The following PHACTR4 variants were observed in gnomAD, a reference collection of about 807,000 sequenced individuals.
PHACTR4 encodes the protein phosphatase and actin regulator 4, also known as protein phosphatase 1, regulatory subunit 124.
A neutral mutation model predicts 72.7 loss-of-function variants in PHACTR4; 51 were observed. The ratio of observed to expected loss-of-function variants is 0.70; its 90% CI spans 0.56 to 0.89. The LOEUF (loss-of-function observed/expected upper bound fraction) is 0.89, where lower values mean the gene tolerates loss of function less well. Among genes scored for constraint, PHACTR4 ranks in the 40% least tolerant of loss-of-function variants. The probability of loss-of-function intolerance (pLI) is 0.00; values close to 1 mark genes in which losing one functional copy is unlikely to be tolerated. For missense variants in PHACTR4, 731 were observed against 861.8 expected, an observed-to-expected ratio of 0.85 and a Z score of 1.90; for synonymous variants, 255 against 302.5, an observed-to-expected ratio of 0.84 and a Z score of 1.63.
At chr1:28,457,920 T>A (rs1484647898) in intron 2 of PHACTR4, 1 of 897,350 alleles carries the variant, frequency 1.1e-6, no homozygotes, top group African/African-American at 1.8e-5. Context: ...TCCTGCTGGT[T>A]TTTTTTTTTT....
At chr1:28,424,822 C>T (rs1023999597) in intron 2 of PHACTR4, among the ~76,000 whole-genome samples, 1 of 150,194 alleles carries the variant, frequency 6.7e-6, no homozygotes, top group East Asian at 2.0e-4. Flanking sequence ...GAGATGGAGT[C>T]GTGTTCTGTC....
intron 9 of PHACTR4, among the ~76,000 whole-genome samples, chr1:28,486,812 T>C (rs1274269573): frequency 1.3e-5 from 2 of 151,128 alleles, no homozygotes; most frequent in African/African-American, 4.9e-5. Flanking sequence ...TGAGCCAAGG[T>C]GGCGCCAGTG....
At chr1:28,446,400 T>C (rs1657469429) in intron 2 of PHACTR4, among the ~76,000 whole-genome samples, 1 of 152,134 alleles carries the variant, frequency 6.6e-6, no homozygotes, top group African/African-American at 2.4e-5. Context: ...TGGGAGGTGA[T>C]TGGGGTGGAT....
intron 13 of PHACTR4, among the ~76,000 whole-genome samples, chr1:28,495,601 T>TTTTA (rs1253719797): frequency 1.1e-4 from 16 of 145,534 alleles, no homozygotes; most frequent in African/African-American, 3.6e-4. Flanking sequence ...GGGATTTTAT[T>TTTTA]TTTATTTATT....
intron 2 of PHACTR4, among the ~76,000 whole-genome samples, chr1:28,442,748 C>T (rs1657133236): frequency 6.6e-6 from 1 of 152,056 alleles, no homozygotes; most frequent in African/African-American, 2.4e-5. Context: ...TCAAGTGATC[C>T]GCCTGCCTTG....
chr1:28,423,879 A>C (rs1655668368), intron 2 of PHACTR4, among the ~76,000 whole-genome samples: 1 of 152,220 alleles, frequency 6.6e-6, no homozygotes, highest in Non-Finnish European at 1.5e-5. Context: ...GAATTGGGAG[A>C]AGGAATACTT....
rs150781545 is a variant in PHACTR4 at position 28,497,955 on chromosome 1, C to T, written c.*1406C>T. 9,482 of 149,904 alleles carry T rather than the reference C, an allele frequency of 0.063. 408 individuals are homozygous for T. The highest frequency in any genetic ancestry group is 0.15 in the Middle Eastern group (44 of 290). The allele number at this position is 149,904 out of a possible 1,614,324, so 9.3% of individuals were successfully genotyped here. On this transcript the variant is annotated 3_prime_UTR_variant, in exon 14 of 14. Transcript: ENST00000373839. ...AGATTGCAGTGAGCCGAGATCGCGC[C>T]ACTGCACTCCAGCCTGGGTGACAGA...
intron 2 of PHACTR4, among the ~76,000 whole-genome samples, chr1:28,450,979 T>TTTTTTTTTTTTTTTG: frequency 7.7e-6 from 1 of 130,046 alleles, no homozygotes; most frequent in African/African-American, 2.9e-5. Flanking sequence ...CCCAGCTTTT[T>TTTTTTTTTTTTTTTG]TTTTTTTTTT....
intron 10 of PHACTR4, chr1:28,489,818 G>T (rs1446830190): frequency 1.9e-6 from 1 of 518,964 alleles, no homozygotes; most frequent in Non-Finnish European, 3.8e-6. Flanking sequence ...CACTGAGAAG[G>T]TTTGGGCTTC....
At position 28,497,160 on chromosome 1, in the gene PHACTR4, GT is replaced by G. The variant is rs924120250; in HGVS notation, c.*613del. On this transcript the variant is annotated 3_prime_UTR_variant, in exon 14 of 14. Coordinates refer to ENST00000373839, the MANE Select transcript of PHACTR4 (RefSeq NM_001048183.3). ...TGAGAGGAAGCTCAGGATCTGACAT[GT>G]TCTTCCTTTTCCTCACAAGTCATCA... 1 of 152,196 alleles carries G rather than the reference GT, an allele frequency of 6.6e-6. No homozygotes were observed. The highest frequency in any genetic ancestry group is 6.5e-5 in the Admixed American group (1 of 15,272). The allele number at this position is 152,196 out of a possible 1,614,324, so 9.4% of individuals were successfully genotyped here.
chr1:28,444,203 A>T (rs1271226818), intron 2 of PHACTR4, among the ~76,000 whole-genome samples: 4 of 148,696 alleles, frequency 2.7e-5, no homozygotes, highest in East Asian at 1.9e-4. Flanking sequence ...CATTTAAAAA[A>T]ATATATTTGG....
At chr1:28,398,172 T>G (rs770411629) in intron 1 of PHACTR4, among the ~76,000 whole-genome samples, 23 of 152,184 alleles carry the variant, frequency 1.5e-4, no homozygotes, top group Non-Finnish European at 2.1e-4. Context: ...AATTCTCATA[T>G]ACCTATGTTA....
Position 28,465,774 on chromosome 1 carries a change from C to T in PHACTR4, c.361C>T (p.Gln121Ter). 1 of 1,613,014 alleles carries T rather than the reference C, an allele frequency of 6.2e-7. No individual in the cohort carries two copies. The highest frequency in any genetic ancestry group is 8.5e-7 in the Non-Finnish European group (1 of 1,179,432). ...GAATGCCAGATCATCTAGTCCAGTC[C>T]AAGTAGAGGAAGAGCCAGTAAGATT... ...IGNARSSSPV[Q>*]VEEEPVRLAS... The change falls in exon 5 of 14, where the codon CAA becomes TAA. Residue 121 changes from glutamine (Q) to a stop codon, truncating the protein, a stop_gained. Coordinates refer to ENST00000373839, the MANE Select transcript of PHACTR4 (RefSeq NM_001048183.3). LOFTEE classifies it high-confidence loss of function.
At chr1:28,395,551 GAA>G (rs1350577290) in intron 1 of PHACTR4, among the ~76,000 whole-genome samples, 1 of 151,532 alleles carries the variant, frequency 6.6e-6, no homozygotes. Context: ...CTTCAAAGAA[GAA>G]AGTTTCATTT....
chr1:28,464,044 C>CTTTTT (rs74771369), intron 4 of PHACTR4, among the ~76,000 whole-genome samples: 1 of 131,360 alleles, frequency 7.6e-6, no homozygotes. Context: ...ATAACCATTT[C>CTTTTT]TTTTTTTTTT....
In PHACTR4 at chr1:28,376,929, G is replaced by A. The variant is rs563338148; in HGVS notation, c.-39+7104G>A. 5.3e-5 allele frequency among the ~76,000 whole-genome samples: 8 copies of A among 150,454 alleles called. No homozygotes were observed. The South Asian group carries it at 6.3e-4, about 12-fold the overall frequency. On this transcript the variant is annotated intron_variant, in intron 1 of 13. Transcript: ENST00000373839. ...GGGGATTACAGGCGTGAGCCAGCGCGCCCGGCCTTAATTTTTTTTTGAAAT... is the reference window on the plus strand; with the variant it reads ...GGGGATTACAGGCGTGAGCCAGCGCACCCGGCCTTAATTTTTTTTTGAAAT...
In PHACTR4 at chr1:28,440,391, A is replaced by ATTTT. The variant is rs1414224976; in HGVS notation, c.17-18692_17-18691insTTTT. 1.7e-3 allele frequency among the ~76,000 whole-genome samples: 155 copies of ATTTT among 89,974 alleles called. 14 individuals carry two copies. Among genetic ancestry groups the ATTTT allele is most frequent in the African/African-American group, 5.5e-3 (110 of 19,904 alleles). 59.0% of individuals were successfully genotyped at this position (89,974 alleles called of 152,430 possible). A position where few individuals can be genotyped will look rare whatever the true frequency, so the allele number is the denominator to read the frequency against. ...AAAAAAGTAAGAATCAAATTCATCA[A>ATTTT]TTCTTTTTTTTTTTTTTTTTTTGAG... On this transcript the variant is annotated intron_variant, in intron 2 of 13. Transcript: ENST00000373839.
intron 1 of PHACTR4, 59 bp from the exon 2 acceptor site, chr1:28,407,351 G>A: frequency 1.2e-6 from 1 of 866,432 alleles, no homozygotes; most frequent in Non-Finnish European, 1.8e-6. Flanking sequence ...TTTTTTAAAA[G>A]CATAAAAGGT....
intron 2 of PHACTR4, among the ~76,000 whole-genome samples, chr1:28,426,342 C>T (rs1026053237): frequency 6.6e-6 from 1 of 151,880 alleles, no homozygotes; most frequent in African/African-American, 2.4e-5. Context: ...CTATGAAAAA[C>T]AGATAACACA....
Sources: gnomAD v4.1 joint callset for allele counts (sites outside exome capture counted in the v4.1 genomes callset) on GRCh38, gnomAD v4.1.1 for gene constraint, MANE v1.5 for transcripts, NCBI Gene and HGNC (gene_info 2026-07-23, HGNC 2026-07-21) for gene names.